The following FYCO1 variants were observed in gnomAD, a reference collection of about 807,000 sequenced individuals.
FYCO1 encodes FYVE and coiled-coil domain autophagy adaptor 1, also known as FYVE and coiled-coil domain-containing protein 1.
In FYCO1, 122 loss-of-function variants were observed where a neutral mutation model predicts 165.1. The observed-to-expected ratio is 0.74, with a 90% CI of 0.64 to 0.86. FYCO1 has a LOEUF of 0.86. Among genes scored for constraint, FYCO1 ranks in the 40% least tolerant of loss-of-function variants. The pLI is 0.00. For synonymous variants in FYCO1, 648 were observed against 742.5 expected (o/e 0.87, Z 2.07); for missense variants, 1,702 against 1,810.3 (o/e 0.94, Z 1.09).
At chr3:45,979,081 C>G (rs1024208447) in intron 4 of FYCO1, among the ~76,000 whole-genome samples, 2 of 151,806 alleles carry the variant, frequency 1.3e-5, no homozygotes, top group Admixed American at 1.3e-4. Flanking sequence ...AGGATGGTCT[C>G]GATCTCCTGA....
rs1240609240 is a variant in FYCO1 at position 45,962,219 on chromosome 3, A to G, written c.3437+6T>C. ...ACCCCAGCTGCTGGTTTGACACAGC[A>G]CTCACCTGAGCAGCTCTATCAGCCG... On this transcript the variant is annotated splice_donor_region_variant and intron_variant, in intron 11 of 17. Transcript: ENST00000296137. The surrounding 1 kb of genome is among the most constrained non-coding windows in gnomAD (Gnocchi z 4.4). 1 of 1,614,072 alleles carries G rather than the reference A, an allele frequency of 6.2e-7. No homozygotes were observed. The highest frequency in any genetic ancestry group is 1.7e-5 in the Admixed American group (1 of 60,032).
chr3:45,961,546 C>T (rs1471504127), intron 11 of FYCO1, among the ~76,000 whole-genome samples: 1 of 149,560 alleles, frequency 6.7e-6, no homozygotes, highest in Non-Finnish European at 1.5e-5. Context: ...CCACTGTACT[C>T]AAGCCTGGGC....
rs35365813 is a variant in FYCO1, at chr3:45,978,858, G to GTT, written c.288+845_288+846dup. Among the ~76,000 whole-genome samples the GTT allele has an allele frequency of 5.2e-3, 727 of 139,666 alleles. 4 individuals carry two copies. Among genetic ancestry groups the GTT allele is most frequent in the Non-Finnish European group, 8.2e-3 (531 of 64,520 alleles). 91.6% of individuals were successfully genotyped at this position (139,666 alleles called of 152,430 possible). A position where few individuals can be genotyped will look rare whatever the true frequency, so the allele number is the denominator to read the frequency against. On this transcript the variant is annotated intron_variant, in intron 4 of 17. Coordinates refer to ENST00000296137, the MANE Select transcript of FYCO1 (RefSeq NM_024513.4). ...ATGTGTGTGTGTTTGTTGTTCTGGA[G>GTT]TTTTTTTTTTTTTTTTGAGACGGAG...
rs769964514 is a variant in FYCO1 at position 45,965,118 on chromosome 3, C to A, written c.3065G>T (p.Gly1022Val). Residue 1022 changes from glycine (G) to valine (V), a missense_variant, in exon 9 of 18, where the codon GGT becomes GTT. Physicochemically the swap from Gly to Val is moderately radical, Grantham distance 109. Transcript: ENST00000296137. ...GCCCCTGAGGCTCTTGCACTCTTCA[C>A]CAGCATTCTAGAGAGGACAAGAAAG... Reference protein sequence around the residue: ...MDYQSRLKNAGEECKSLRGQL... With the variant: ...MDYQSRLKNAVEECKSLRGQL... The A allele has an allele frequency of 6.2e-7, 1 of 1,613,430 alleles. No homozygotes were observed. The highest frequency in any genetic ancestry group is 1.7e-5 in the Admixed American group (1 of 60,018).
In FYCO1 at chr3:45,973,170, G is replaced by C. The variant is rs1460800228; in HGVS notation, c.457C>G (p.Gln153Glu). 6.2e-7 allele frequency: 1 copy of C among 1,614,176 alleles called. No homozygotes were observed. The highest frequency in any genetic ancestry group is 1.7e-5 in the Admixed American group (1 of 60,028). The change falls in exon 6 of 18, where the codon CAA (glutamine) becomes GAA (glutamate). Residue 153 changes from glutamine to glutamate, a missense_variant. Physicochemically the swap from Gln to Glu is conservative, Grantham distance 29. Coordinates refer to ENST00000296137, the MANE Select transcript of FYCO1 (RefSeq NM_024513.4). ...TGAACCTCAGTCAGCTCATAGAGTT[G>C]GCCCACAATGTCCGAGCTCAGCTTT... ...QPKLSSDIVG[Q>E]LYELTEVQFD...
At chr3:45,922,702 C>A (rs185455299) in intron 17 of FYCO1, among the ~76,000 whole-genome samples, 24 of 152,250 alleles carry the variant, frequency 1.6e-4, no homozygotes, top group Middle Eastern at 3.4e-3. Context: ...TCTTCCAACC[C>A]CTCCTCTGGT....
At chr3:45,977,531 T>C (rs528985364) in intron 4 of FYCO1, among the ~76,000 whole-genome samples, 29 of 151,826 alleles carry the variant, frequency 1.9e-4, no homozygotes, top group African/African-American at 6.8e-4. Flanking sequence ...TTTCATTAAC[T>C]AATTCCTTAA....
At chr3:45,944,556 A>G (rs1474385660) in intron 14 of FYCO1, among the ~76,000 whole-genome samples, 1 of 152,202 alleles carries the variant, frequency 6.6e-6, no homozygotes, top group Admixed American at 6.5e-5. Context: ...AAAACAAAAT[A>G]GGATTTTAAT....
rs746779337 is a variant in FYCO1 at position 45,968,542 on chromosome 3, C to A, written c.792G>T (p.Arg264Ser). ...QQLDRENQEL[R>S]AAVSQQGEQL... ...GCTCCCCTTGCTGGCTGACAGCTGC[C>A]CTCAGCTCCTGGTTCTCTCTGTCCA... The change falls in exon 8 of 18, where the codon AGG becomes AGT. Residue 264 changes from arginine (R) to serine (S), a missense_variant. By Grantham distance (110) the Arg-to-Ser change is moderately radical. Coordinates refer to ENST00000296137, the MANE Select transcript of FYCO1 (RefSeq NM_024513.4). 1 of 1,614,030 alleles carries A rather than the reference C, an allele frequency of 6.2e-7. No homozygotes were observed. Among genetic ancestry groups the A allele is most frequent in the South Asian group, 1.1e-5 (1 of 91,080 alleles).
chr3:45,963,841 C>A (rs1026506609), intron 10 of FYCO1, among the ~76,000 whole-genome samples: 2 of 152,192 alleles, frequency 1.3e-5, no homozygotes, highest in Non-Finnish European at 2.9e-5. Flanking sequence ...TCAGAGTCTG[C>A]ACAAAGACAG....
intron 14 of FYCO1, among the ~76,000 whole-genome samples, chr3:45,940,380 C>T (rs779482912): frequency 2.8e-4 from 42 of 152,166 alleles, no homozygotes; most frequent in Non-Finnish European, 4.7e-4. Flanking sequence ...GGCTCAAGCA[C>T]GCACACTAAG....
At position 45,921,290 on chromosome 3, in the gene FYCO1, T is replaced by G; in HGVS notation, c.*475A>C. On this transcript the variant is annotated 3_prime_UTR_variant, in exon 18 of 18. Transcript: ENST00000296137. ...GCTGTGTACCTCCTTTTCCCAGGAG[T>G]ACCTGAGGGCGTCACAGCCTGAGGA... 4 of 226,486 alleles carry G rather than the reference T, an allele frequency of 1.8e-5. No homozygotes were observed. The highest frequency in any genetic ancestry group is 6.9e-5 in the South Asian group (1 of 14,578). The allele number at this position is 226,486 out of a possible 1,614,324, so 14.0% of individuals were successfully genotyped here.
In FYCO1 at chr3:45,958,531, A is replaced by T; in HGVS notation, c.3676T>A (p.Cys1226Ser). 1 of 1,614,228 alleles carries T rather than the reference A, an allele frequency of 6.2e-7. No individual in the cohort carries two copies. Among genetic ancestry groups the T allele is most frequent in the Non-Finnish European group, 8.5e-7 (1 of 1,180,042 alleles). ...GGKKERCCRA[C>S]FQKLSEGPGS... ...GGGCCTTCACTGAGCTTCTGGAAAC[A>T]GGCTCGGCAGCAGCGCTCCTTTTTG... Residue 1226 changes from cysteine to serine, a missense_variant, in exon 13 of 18, where the codon TGT becomes AGT. By Grantham distance (112) the Cys-to-Ser change is moderately radical (BLOSUM62 -1). Coordinates refer to ENST00000296137, the MANE Select transcript of FYCO1 (RefSeq NM_024513.4).
intron 12 of FYCO1, among the ~76,000 whole-genome samples, chr3:45,959,076 G>C (rs1236830750): frequency 1.3e-5 from 2 of 152,346 alleles, no homozygotes; most frequent in Non-Finnish European, 2.9e-5. Context: ...CTGGCTTCCA[G>C]TAATGCTGCT....
chr3:45,938,446 T>C (rs1438858497), intron 14 of FYCO1, among the ~76,000 whole-genome samples: 2 of 152,246 alleles, frequency 1.3e-5, no homozygotes, highest in Non-Finnish European at 2.9e-5. Context: ...TACAATAGTA[T>C]ATTGCATGTT....
chr3:45,981,773 T>C, intron 2 of FYCO1, 97 bp from the exon 3 acceptor site: 1 of 829,032 alleles, frequency 1.2e-6, no homozygotes, highest in Non-Finnish European at 2.1e-6. Flanking sequence ...AAGTGGTCAG[T>C]GATACAAAGC....
chr3:45,991,673 AAGCCTTACCCAC>A (rs1163500896), intron 1 of FYCO1, among the ~76,000 whole-genome samples: 1 of 131,080 alleles, frequency 7.6e-6, no homozygotes, highest in Non-Finnish European at 1.8e-5. Flanking sequence ...GTTCCCGAGG[AAGCCTTACCCAC>A]AGCCTCCTTC....
intron 5 of FYCO1, among the ~76,000 whole-genome samples, chr3:45,974,067 A>G (rs1434628105): frequency 1.3e-5 from 2 of 151,910 alleles, no homozygotes; most frequent in East Asian, 3.9e-4. Flanking sequence ...CCAACCCCCT[A>G]CCCCAACCCT....
chr3:45,970,392 C>A (rs1166407998), intron 6 of FYCO1, among the ~76,000 whole-genome samples: 1 of 152,212 alleles, frequency 6.6e-6, no homozygotes, highest in African/African-American at 2.4e-5. Flanking sequence ...GTCTCCAAAA[C>A]CCAGCAACTG....
Sources: gnomAD v4.1 joint callset for allele counts (sites outside exome capture counted in the v4.1 genomes callset) on GRCh38, gnomAD v4.1.1 for gene constraint, Gnocchi (gnomAD v3.1) non-coding constraint, MANE v1.5 for transcripts, NCBI Gene and HGNC (gene_info 2026-07-23, HGNC 2026-07-21) for gene names.